Variants in DCC observed in about 807,000 individuals in gnomAD.
The protein encoded by DCC is DCC netrin 1 receptor, also known as netrin receptor DCC.
DCC carries 58 observed loss-of-function variants against 172.5 expected under a neutral mutation model. That is an observed-to-expected ratio of 0.34 (90% CI 0.27 to 0.42). The LOEUF is 0.42. Among genes scored for constraint, DCC ranks in the 10% least tolerant of loss-of-function variants. The pLI is 1.00. For missense variants in DCC, 1,740 were observed against 1,791.0 expected, an observed-to-expected ratio of 0.97 and a Z score of 0.51; for synonymous variants, 709 against 644.5, an observed-to-expected ratio of 1.10 and a Z score of -1.52.
chr18:53,514,474 C>T (rs1568180558), intron 27 of DCC, among the ~76,000 whole-genome samples: 1 of 151,378 alleles, frequency 6.6e-6, no homozygotes, highest in South Asian at 2.1e-4. Flanking sequence ...AACAGAGACA[C>T]AAAAAAAACC....
At chr18:53,012,608 C>A (rs2041746423) in intron 5 of DCC, among the ~76,000 whole-genome samples, 2 of 151,980 alleles carry the variant, frequency 1.3e-5, no homozygotes, top group Admixed American at 1.3e-4. Flanking sequence ...TAAATATACA[C>A]ACACATACAC....
At chr18:52,699,332 T>C (rs1003037520) in intron 1 of DCC, among the ~76,000 whole-genome samples, 12 of 152,098 alleles carry the variant, frequency 7.9e-5, no homozygotes, top group African/African-American at 2.7e-4. Flanking sequence ...GGTGGTCTCA[T>C]GCTAGGAGCT....
At chr18:53,456,088 C>T (rs756182297) in intron 23 of DCC, among the ~76,000 whole-genome samples, 1 of 152,106 alleles carries the variant, frequency 6.6e-6, no homozygotes, top group Non-Finnish European at 1.5e-5. Context: ...TGATCAATGC[C>T]AAGGTGAGTG....
At chr18:52,796,752 G>C (rs527316051) in intron 2 of DCC, among the ~76,000 whole-genome samples, 4 of 152,154 alleles carry the variant, frequency 2.6e-5, no homozygotes, top group Non-Finnish European at 4.4e-5. Flanking sequence ...TTAGAATTCT[G>C]TCATTGTCTC....
chr18:53,487,346 A>C (rs997554693), intron 26 of DCC, among the ~76,000 whole-genome samples: 1 of 152,216 alleles, frequency 6.6e-6, no homozygotes, highest in South Asian at 2.1e-4. Context: ...TGAACCAATA[A>C]CTTGGGTGAA....
intron 1 of DCC, among the ~76,000 whole-genome samples, chr18:52,541,228 G>A (rs1568219663): frequency 6.6e-6 from 1 of 152,082 alleles, no homozygotes; most frequent in Admixed American, 6.5e-5. Context: ...TGCCATTCTT[G>A]GCCACCTCAC....
intron 22 of DCC, among the ~76,000 whole-genome samples, chr18:53,448,055 T>TTTTG (rs1555673131): frequency 1.7e-4 from 25 of 149,668 alleles, no homozygotes; most frequent in African/African-American, 6.0e-4. Context: ...GAGTTTTTTT[T>TTTTG]TTTTTTTTTT....
At chr18:52,696,621 G>C (rs2036015898) in intron 1 of DCC, among the ~76,000 whole-genome samples, 1 of 152,166 alleles carries the variant, frequency 6.6e-6, no homozygotes, top group Non-Finnish European at 1.5e-5. Flanking sequence ...TAAGCAACTA[G>C]GGCTAAACTG....
At chr18:52,371,929 G>T (rs548972507) in intron 1 of DCC, among the ~76,000 whole-genome samples, 4 of 152,310 alleles carry the variant, frequency 2.6e-5, no homozygotes, top group Admixed American at 6.5e-5. Context: ...GGCTGAAGAA[G>T]AAGGAGCTGT....
At chr18:52,427,772 T>C (rs1181421746) in intron 1 of DCC, among the ~76,000 whole-genome samples, 1 of 151,984 alleles carries the variant, frequency 6.6e-6, no homozygotes, top group Non-Finnish European at 1.5e-5. Context: ...TTCTTCCTCA[T>C]AGAAATCAGA....
intron 12 of DCC, among the ~76,000 whole-genome samples, chr18:53,235,466 T>G (rs1290228737): frequency 6.6e-6 from 1 of 152,206 alleles, no homozygotes; most frequent in East Asian, 1.9e-4. Flanking sequence ...CTGCAGATTC[T>G]TGTCTTCCAA....
chr18:52,434,374 C>T (rs1987721421), intron 1 of DCC, among the ~76,000 whole-genome samples: 1 of 152,118 alleles, frequency 6.6e-6, no homozygotes, highest in Non-Finnish European at 1.5e-5. Context: ...GCCCCCTGCA[C>T]CTAAGGATTA....
chr18:53,152,486 C>A (rs1238987797), intron 7 of DCC, among the ~76,000 whole-genome samples: 1 of 151,896 alleles, frequency 6.6e-6, no homozygotes, highest in African/African-American at 2.4e-5. Flanking sequence ...TTTTTGGCTT[C>A]AAAACTATGA....
chr18:53,042,454 G>A (rs1479155443), intron 5 of DCC, among the ~76,000 whole-genome samples: 2 of 151,860 alleles, frequency 1.3e-5, no homozygotes, highest in Admixed American at 1.3e-4. Context: ...AGGCATATTG[G>A]CCTGAAATTT....
intron 26 of DCC, among the ~76,000 whole-genome samples, chr18:53,498,102 A>G (rs1050431183): frequency 2.0e-5 from 3 of 152,212 alleles, no homozygotes; most frequent in Non-Finnish European, 4.4e-5. Context: ...TAGAAGAATG[A>G]GTATAGATAC....
chr18:52,559,501 A>G (rs1434722623), intron 1 of DCC, among the ~76,000 whole-genome samples: 2 of 152,230 alleles, frequency 1.3e-5, no homozygotes, highest in Admixed American at 1.3e-4. Context: ...GCCATAAAGG[A>G]TCCAGACAGC....
intron 2 of DCC, among the ~76,000 whole-genome samples, chr18:52,793,921 CT>C (rs1165784762): frequency 6.6e-6 from 1 of 151,852 alleles, no homozygotes; most frequent in Non-Finnish European, 1.5e-5. Context: ...CTCTTTGTGC[CT>C]TTTTTAAAAA....
chr18:52,391,358 T>C (rs1035095108), intron 1 of DCC, among the ~76,000 whole-genome samples: 1 of 152,102 alleles, frequency 6.6e-6, no homozygotes, highest in African/African-American at 2.4e-5. Context: ...AACAAGCATA[T>C]AGCTAGGCAC....
intron 1 of DCC, among the ~76,000 whole-genome samples, chr18:52,445,112 A>G (rs967031147): frequency 6.6e-6 from 1 of 152,200 alleles, no homozygotes; most frequent in African/African-American, 2.4e-5. Context: ...CATTATTAGG[A>G]GAATAAAAGG....
Sources: allele counts gnomAD v4.1 joint callset (sites outside exome capture counted in the v4.1 genomes callset), GRCh38; gene constraint gnomAD v4.1.1; transcripts MANE v1.5; gene names NCBI Gene and HGNC (gene_info 2026-07-23, HGNC 2026-07-21).